The following CIMIP6 variants were observed in gnomAD, a reference collection of about 807,000 sequenced individuals.
CIMIP6 encodes the protein ciliary microtubule inner protein 6.
At chr2:54,367,201 T>G in the CIMIP6 span, among the ~76,000 whole-genome samples, 1 of 152,126 alleles carries the variant, frequency 6.6e-6, no homozygotes, top group Non-Finnish European at 1.5e-5. Context: ...AAAGTTAGGA[T>G]GTAAGCAGAA....
chr2:54,360,374 C>A, the CIMIP6 span: 1 of 1,609,592 alleles, frequency 6.2e-7, no homozygotes, highest in Admixed American at 1.7e-5. Context: ...TCTCTGCCAA[C>A]AAAATTCTCA....
chr2:54,377,053 C>G, the CIMIP6 span, among the ~76,000 whole-genome samples: 2 of 152,188 alleles, frequency 1.3e-5, no homozygotes, highest in Non-Finnish European at 2.9e-5. Flanking sequence ...GGCCAAGTCT[C>G]AAAGGAGAGG....
chr2:54,380,804 A>G, the CIMIP6 span, among the ~76,000 whole-genome samples: 1 of 152,222 alleles, frequency 6.6e-6, no homozygotes, highest in Non-Finnish European at 1.5e-5. Flanking sequence ...AGCATTCTGT[A>G]CAGACACGTG....
chr2:54,358,236 G>T, the CIMIP6 span, among the ~76,000 whole-genome samples: 2 of 152,168 alleles, frequency 1.3e-5, no homozygotes, highest in African/African-American at 4.8e-5. Context: ...AATTCCATTA[G>T]TGCTAGCTTC....
chr2:54,355,806 T>G, the CIMIP6 span, among the ~76,000 whole-genome samples: 1 of 152,224 alleles, frequency 6.6e-6, no homozygotes, highest in Non-Finnish European at 1.5e-5. Flanking sequence ...AACAATACTT[T>G]GTTCTGTATC....
chr2:54,337,275 ATCT>A, the CIMIP6 span, among the ~76,000 whole-genome samples: 22 of 152,262 alleles, frequency 1.4e-4, no homozygotes, highest in Middle Eastern at 3.4e-3. Flanking sequence ...TGAATGTCAG[ATCT>A]TCTTGGGGCA....
chr2:54,368,526 C>T, the CIMIP6 span, among the ~76,000 whole-genome samples: 743 of 152,306 alleles, frequency 4.9e-3, 8 homozygotes, highest in African/African-American at 0.017. Flanking sequence ...CTCTTGGATC[C>T]TGTGAGGTAA....
chr2:54,340,437 A>G, the CIMIP6 span, among the ~76,000 whole-genome samples: 1 of 152,220 alleles, frequency 6.6e-6, no homozygotes, highest in Non-Finnish European at 1.5e-5. Flanking sequence ...TTTATGAATA[A>G]ATGCTTGGAC....
chr2:54,335,967 A>C, the CIMIP6 span, among the ~76,000 whole-genome samples: 1 of 152,036 alleles, frequency 6.6e-6, no homozygotes. Context: ...TGTGATTAGA[A>C]TGCACCCACC....
chr2:54,370,609 T>C, the CIMIP6 span, among the ~76,000 whole-genome samples: 13 of 152,188 alleles, frequency 8.5e-5, no homozygotes, highest in African/African-American at 1.2e-4. Context: ...GCCTAGTGAC[T>C]CCTAAGCTGA....
At chr2:54,342,159 TATAAAGTGACAAA>T in the CIMIP6 span, among the ~76,000 whole-genome samples, 1 of 152,192 alleles carries the variant, frequency 6.6e-6, no homozygotes, top group Non-Finnish European at 1.5e-5. Flanking sequence ...CTGGCACTCT[TATAAAGTGACAAA>T]GTGAAGTCCA....
the CIMIP6 span, among the ~76,000 whole-genome samples, chr2:54,333,866 C>G: frequency 6.6e-6 from 1 of 152,222 alleles, no homozygotes; most frequent in East Asian, 1.9e-4. Flanking sequence ...GCACTCCTGC[C>G]TGGGACAGAG....
chr2:54,374,102 G>A, the CIMIP6 span, among the ~76,000 whole-genome samples: 5 of 152,114 alleles, frequency 3.3e-5, no homozygotes, highest in South Asian at 2.1e-4. Context: ...CAGCAGTGCC[G>A]TTTCTTACCT....
chr2:54,370,604 G>C, the CIMIP6 span, among the ~76,000 whole-genome samples: 7 of 152,194 alleles, frequency 4.6e-5, no homozygotes, highest in Non-Finnish European at 8.8e-5. Context: ...GTTCTGCCTA[G>C]TGACTCCTAA....
chr2:54,381,929 G>A, the CIMIP6 span: 1 of 1,549,962 alleles, frequency 6.5e-7, no homozygotes, highest in South Asian at 1.2e-5. Flanking sequence ...GAGATCACGG[G>A]CATGTTTTTT....
chr2:54,356,143 T>TAAAAAAAAAAA, the CIMIP6 span, among the ~76,000 whole-genome samples: 1 of 136,664 alleles, frequency 7.3e-6, no homozygotes. Context: ...CTTAAACTGT[T>TAAAAAAAAAAA]AAAAAAAAAA....
chr2:54,369,793 A>G, the CIMIP6 span, among the ~76,000 whole-genome samples: 3 of 152,224 alleles, frequency 2.0e-5, no homozygotes, highest in African/African-American at 7.2e-5. Context: ...TAGAGTTATT[A>G]AAAGAATTCA....
chr2:54,379,616 T>A, the CIMIP6 span, among the ~76,000 whole-genome samples: 1 of 151,538 alleles, frequency 6.6e-6, no homozygotes, highest in African/African-American at 2.4e-5. Context: ...AAGGCGGGAT[T>A]CCTTGAGCCC....
At chr2:54,375,017 G>A in the CIMIP6 span, among the ~76,000 whole-genome samples, 6 of 152,162 alleles carry the variant, frequency 3.9e-5, no homozygotes, top group Non-Finnish European at 8.8e-5. Flanking sequence ...ACCTTTTTAT[G>A]ACATTAATTC....
Sources: gnomAD v4.1 joint callset for allele counts (sites outside exome capture counted in the v4.1 genomes callset) on GRCh38, gnomAD v4.1.1 for gene constraint, MANE v1.5 for transcripts, NCBI Gene and HGNC (gene_info 2026-07-23, HGNC 2026-07-21) for gene names.